The following PLXNB1 variants were observed in gnomAD, a reference collection of about 807,000 sequenced individuals.
PLXNB1 encodes plexin-B1.
In PLXNB1, 106 loss-of-function variants were observed where a neutral mutation model predicts 209.4. That is an observed-to-expected ratio of 0.51 (90% CI 0.43 to 0.59). The LOEUF (loss-of-function observed/expected upper bound fraction) is 0.59. PLXNB1 is among the 20% of genes least tolerant of loss of function. PLXNB1 has a pLI of 0.00. For synonymous variants in PLXNB1, 1,167 were observed against 1,183.2 expected (o/e 0.99, Z 0.28); for missense variants, 2,357 against 2,853.2 (o/e 0.83, Z 3.96).
chr3:48,425,835 C>CACACACAG (rs1403490551), intron 1 of PLXNB1, among the ~76,000 whole-genome samples: 1 of 148,858 alleles, frequency 6.7e-6, no homozygotes, highest in African/African-American at 2.6e-5. Context: ...CACACACACA[C>CACACACAG]AGAGAGAGAG....
Position 48,415,145 on chromosome 3 carries a change from G to C in PLXNB1, c.3966+31C>G, listed in dbSNP as rs1165655966. The stretch of plus-strand genomic sequence containing the variant: ...CCCAGGGTGTGGTATGGGGCAAGGG[G>C]AGAGTGTGGGGGTACCCAAGGGTGT... On this transcript the variant is annotated intron_variant, in intron 20 of 37. Coordinates refer to ENST00000296440, the MANE Select transcript of PLXNB1 (RefSeq NM_001130082.3). This position sits in a 1 kb window ranked among gnomAD's most constrained non-coding sequence, Gnocchi z 5.0. The C allele has an allele frequency of 1.2e-6, 2 of 1,607,896 alleles. No homozygotes were observed. Among genetic ancestry groups the C allele is most frequent in the Middle Eastern group, 1.7e-4 (1 of 6,048 alleles).
chr3:48,418,809 A>G lies in PLXNB1; in HGVS notation c.2955+108T>C. On this transcript the variant is annotated intron_variant, in intron 13 of 37. Coordinates refer to ENST00000296440, the MANE Select transcript of PLXNB1 (RefSeq NM_001130082.3). The surrounding 1 kb of genome is among the most constrained non-coding windows in gnomAD (Gnocchi z 6.6). ...GGTGTGGAGACTCCCTCAGGGCGAC[A>G]CGGTCAGAGCGTGGCTCTGGAAAGT... 1.4e-6 allele frequency: 2 copies of G among 1,406,742 alleles called. No individual in the cohort carries two copies. Among genetic ancestry groups the G allele is most frequent in the Non-Finnish European group, 2.0e-6 (2 of 1,010,972 alleles). The allele number at this position is 1,406,742 out of a possible 1,614,324, so 87.1% of individuals were successfully genotyped here.
At chr3:48,408,989 A>G (rs2037478640) in intron 34 of PLXNB1, among the ~76,000 whole-genome samples, 1 of 152,186 alleles carries the variant, frequency 6.6e-6, no homozygotes, top group African/African-American at 2.4e-5. Context: ...CTGGTCACAT[A>G]ACTTCCCTGT....
chr3:48,418,117 C>G lies in PLXNB1; in HGVS notation c.3223-55G>C. On this transcript the variant is annotated intron_variant, in intron 15 of 37. Transcript: ENST00000296440. This position sits in a 1 kb window ranked among gnomAD's most constrained non-coding sequence, Gnocchi z 6.6. ...ACTCAACTGGAAAGGCAGCCCCAAC[C>G]TCCCACCTTTGGGCCCCCACACCCT... The G allele has an allele frequency of 4.4e-6, 7 of 1,607,510 alleles. No individual in the cohort carries two copies. The highest frequency in any genetic ancestry group is 6.0e-6 in the Non-Finnish European group (7 of 1,175,668).
At position 48,417,961 on chromosome 3, in the gene PLXNB1, C is replaced by T. The variant is rs149107566; in HGVS notation, c.3324G>A (p.Val1108=). Residue 1108 remains valine, a synonymous_variant, in exon 16 of 38, where the codon GTG becomes GTA. Coordinates refer to ENST00000296440, the MANE Select transcript of PLXNB1 (RefSeq NM_001130082.3). The surrounding 1 kb of genome is among the most constrained non-coding windows in gnomAD (Gnocchi z 4.4). ...HVQDVLGMVT[V]AGVPCAVDAQ... ...CATCCACAGCACAGGGCACTCCAGCCACCGTGACCATGCCCAGCACATCCT... is the reference window on the plus strand; with the variant it reads ...CATCCACAGCACAGGGCACTCCAGCTACCGTGACCATGCCCAGCACATCCT... The T allele has an allele frequency of 6.2e-7, 1 of 1,613,454 alleles. No homozygotes were observed. Among genetic ancestry groups the T allele is most frequent in the Non-Finnish European group, 8.5e-7 (1 of 1,180,030 alleles).
chr3:48,404,704 C>A, intron 37 of PLXNB1, 114 bp from the exon 38 acceptor site: 3 of 653,352 alleles, frequency 4.6e-6, no homozygotes, highest in Non-Finnish European at 7.9e-6. Context: ...GGCCAAGAAA[C>A]CCAGCCGGTC....
chr3:48,405,514 G>C lies in PLXNB1; in HGVS notation c.6303+210C>G, dbSNP rs1393849794. Among the ~76,000 whole-genome samples the C allele has an allele frequency of 6.6e-6, 1 of 152,166 alleles. No homozygotes were observed. The highest frequency in any genetic ancestry group is 1.5e-5 in the Non-Finnish European group (1 of 68,028). ...GCCTCGCCGTCCTGCTGGGGAGCTG[G>C]AATGGGGAGCAGTGGGACAGGTGAG... On this transcript the variant is annotated intron_variant, in intron 37 of 37. Transcript: ENST00000296440. The surrounding 1 kb of genome is among the most constrained non-coding windows in gnomAD (Gnocchi z 5.0).
In PLXNB1 at chr3:48,419,727, G is replaced by A. The variant is rs541977320; in HGVS notation, c.2559C>T (p.Asp853=). ...TREGGELPEA[D]EWTGGDAPAF... ...CGGGTGCGTCACCCCCCGTCCACTC[G>A]TCCGCCTCGGGCAGCTCGCCGCCTT... The change falls in exon 11 of 38, where the codon GAC becomes GAT. Residue 853 remains aspartate, a synonymous_variant. Coordinates refer to ENST00000296440, the MANE Select transcript of PLXNB1 (RefSeq NM_001130082.3). This position sits in a 1 kb window ranked among gnomAD's most constrained non-coding sequence, Gnocchi z 5.7. The A allele has an allele frequency of 1.2e-5, 20 of 1,611,172 alleles. No individual in the cohort carries two copies. The highest frequency in any genetic ancestry group is 1.5e-5 in the Non-Finnish European group (18 of 1,179,490).
chr3:48,429,830 C>A lies in PLXNB1; in HGVS notation c.-60+178G>T, dbSNP rs979320052. Among the ~76,000 whole-genome samples the A allele has an allele frequency of 1.3e-5, 2 of 152,136 alleles. No homozygotes were observed. Among genetic ancestry groups the A allele is most frequent in the South Asian group, 2.1e-4 (1 of 4,820 alleles). ...GAGGCGGGGGGTCGCGCTCCGCACC[C>A]GCAGGTGCTGGTGGAACAGCGTCCC... On this transcript the variant is annotated intron_variant, in intron 1 of 37. Coordinates refer to ENST00000296440, the MANE Select transcript of PLXNB1 (RefSeq NM_001130082.3). This position sits in a 1 kb window ranked among gnomAD's most constrained non-coding sequence, Gnocchi z 6.4.
Position 48,414,069 on chromosome 3 carries a change from C to T in PLXNB1, c.4212G>A (p.Gly1404=), listed in dbSNP as rs761765283. 3.7e-6 allele frequency: 6 copies of T among 1,613,666 alleles called. No individual in the cohort carries two copies. Among genetic ancestry groups the T allele is most frequent in the Non-Finnish European group, 5.1e-6 (6 of 1,179,776 alleles). The change falls in exon 22 of 38, where the codon GGG becomes GGA. Residue 1404 remains glycine, a splice_region_variant and synonymous_variant. Coordinates refer to ENST00000296440, the MANE Select transcript of PLXNB1 (RefSeq NM_001130082.3). ...TGGACATTGCAAGGTCCAGGTTCTC[C>T]CCCTGGAACAGAGGGTCACCGATCA... is the stretch of plus-strand genomic sequence containing the variant. ...HKPGSVFSVE[G]ENLDLAMSKE...
At position 48,417,565 on chromosome 3, in the gene PLXNB1, G is replaced by T. The variant is rs1323150445; in HGVS notation, c.3374+346C>A. On this transcript the variant is annotated intron_variant, in intron 16 of 37. Coordinates refer to ENST00000296440, the MANE Select transcript of PLXNB1 (RefSeq NM_001130082.3). This position sits in a 1 kb window ranked among gnomAD's most constrained non-coding sequence, Gnocchi z 4.4. ...GAAGAGTGAGCTGGTGAGAAGGCCA[G>T]CCCCTGAGCTTATCTGTCTGATCTG... Among the ~76,000 whole-genome samples, 1 of 152,180 alleles carries T rather than the reference G, an allele frequency of 6.6e-6. No individual in the cohort carries two copies. The highest frequency in any genetic ancestry group is 2.4e-5 in the African/African-American group (1 of 41,434).
rs574626666 is a variant in PLXNB1, at chr3:48,424,204, C to T, written c.408G>A (p.Arg136=). The T allele has an allele frequency of 6.3e-7, 1 of 1,595,832 alleles. No homozygotes were observed. Among genetic ancestry groups the T allele is most frequent in the Non-Finnish European group, 8.5e-7 (1 of 1,169,906 alleles). The change falls in exon 3 of 38, where the codon CGG becomes CGA. Residue 136 remains arginine (R), a synonymous_variant. Coordinates refer to ENST00000296440, the MANE Select transcript of PLXNB1 (RefSeq NM_001130082.3). ...CAGCCACATATTGTGTGTCCCCAGG[C>T]CGCTCTGGCCGCAGCAGCAGCTGCT... is the stretch of plus-strand genomic sequence containing the variant. The part of the protein sequence containing the change: ...QLEQLLLRPE[R]PGDTQYVAAN...
chr3:48,423,730 A>G lies in PLXNB1; in HGVS notation c.882T>C (p.Phe294=). 3 of 1,613,812 alleles carry G rather than the reference A, an allele frequency of 1.9e-6. No individual in the cohort carries two copies. Among genetic ancestry groups the G allele is most frequent in the Non-Finnish European group, 2.5e-6 (3 of 1,179,934 alleles). Reference sequence around the variant, plus strand: ...GGGGTGCAGCCGAGGAGAAAGCTGCAAAGAGCACCTCCCCATGCGCCACCT... The same window carrying G: ...GGGGTGCAGCCGAGGAGAAAGCTGCGAAGAGCACCTCCCCATGCGCCACCT... ...SREVAHGEVL[F]AAFSSAAPPT... The change falls in exon 3 of 38, where the codon TTT becomes TTC. Residue 294 remains phenylalanine, a synonymous_variant. Coordinates refer to ENST00000296440, the MANE Select transcript of PLXNB1 (RefSeq NM_001130082.3).
In PLXNB1 at chr3:48,405,606, C is replaced by CA; in HGVS notation, c.6303+117dup. 1.3e-6 allele frequency: 1 copy of CA among 771,352 alleles called. No homozygotes were observed. Among genetic ancestry groups the CA allele is most frequent in the African/African-American group, 1.7e-5 (1 of 57,524 alleles). 47.8% of individuals were successfully genotyped at this position (771,352 alleles called of 1,614,324 possible). Reference sequence around the variant, plus strand: ...CAAGCCACCAAGGGGCCCGGCCCCCCACTACTCTGTCCCTGGGGAAGACCA... The same window carrying CA: ...CAAGCCACCAAGGGGCCCGGCCCCCCAACTACTCTGTCCCTGGGGAAGACCA... On this transcript the variant is annotated intron_variant, in intron 37 of 37. Coordinates refer to ENST00000296440, the MANE Select transcript of PLXNB1 (RefSeq NM_001130082.3). This position sits in a 1 kb window ranked among gnomAD's most constrained non-coding sequence, Gnocchi z 5.0.
chr3:48,415,397 G>A lies in PLXNB1; in HGVS notation c.3795-50C>T. 1.3e-6 allele frequency: 2 copies of A among 1,577,504 alleles called. No individual in the cohort carries two copies. The highest frequency in any genetic ancestry group is 1.1e-5 in the South Asian group (1 of 88,640). On this transcript the variant is annotated intron_variant, in intron 19 of 37. Coordinates refer to ENST00000296440, the MANE Select transcript of PLXNB1 (RefSeq NM_001130082.3). This position sits in a 1 kb window ranked among gnomAD's most constrained non-coding sequence, Gnocchi z 5.0. ...AACGTAAGATGGCTTATGTTACCTG[G>A]ACCTAAAGCACAGCCCAGTCCCGGC... is the stretch of plus-strand genomic sequence containing the variant.
Position 48,415,687 on chromosome 3 carries a change from C to T in PLXNB1, c.3690G>A (p.Val1230=). Residue 1230 remains valine, a synonymous_variant, in exon 19 of 38, where the codon GTG becomes GTA. Transcript: ENST00000296440. This position sits in a 1 kb window ranked among gnomAD's most constrained non-coding sequence, Gnocchi z 5.0. ...SPRPTPATLP[V]AVWFGATERR... ...GCTCCGTGGCCCCAAACCACACAGC[C>T]ACAGGGAGCGTGGCAGGCGTGGGGC... 1 of 1,558,754 alleles carries T rather than the reference C, an allele frequency of 6.4e-7. No homozygotes were observed.
In PLXNB1 at chr3:48,413,203, G is replaced by A. The variant is rs1198023709; in HGVS notation, c.4536-34C>T. 1.9e-6 allele frequency: 3 copies of A among 1,541,028 alleles called. No individual in the cohort carries two copies. The South Asian group carries it at 3.3e-5, about 17-fold the overall frequency. ...CCCCAGGGTCAGGAGAGGATGGCCA[G>A]ATGAGTCCTACTCGCCCAGGCCTGC... On this transcript the variant is annotated intron_variant, in intron 23 of 37. Coordinates refer to ENST00000296440, the MANE Select transcript of PLXNB1 (RefSeq NM_001130082.3). The surrounding 1 kb of genome is among the most constrained non-coding windows in gnomAD (Gnocchi z 5.4).
In PLXNB1 at chr3:48,414,964, G is replaced by C. The variant is rs557274794; in HGVS notation, c.4044C>G (p.Asp1348Glu). The C allele has an allele frequency of 1.3e-4, 207 of 1,613,862 alleles. 1 individual carries two copies. In the South Asian group the frequency reaches 2.2e-3, roughly 17 times the overall value. Residue 1348 changes from aspartate to glutamate, a missense_variant, in exon 21 of 38, where the codon GAC becomes GAG. Around this residue, in one of 7 missense-constraint regions of PLXNB1, gnomAD observed 743 missense variants for 896.2 expected, o/e 0.83. Coordinates refer to ENST00000296440, the MANE Select transcript of PLXNB1 (RefSeq NM_001130082.3). ...RTPALPGLPE[D>E]PWVRVEFILD... ...GGATAAATTCCACCCGGACCCAGGGGTCCTCAGGCAGGCCTGGGAGGGCAG... is the reference window on the plus strand; with the variant it reads ...GGATAAATTCCACCCGGACCCAGGGCTCCTCAGGCAGGCCTGGGAGGGCAG...
chr3:48,421,652 CCCTG>C lies in PLXNB1; in HGVS notation c.1653+18_1653+21del. On this transcript the variant is annotated intron_variant, in intron 7 of 37. Transcript: ENST00000296440. ...ATGCCCAGAGCCCTCCCCACCAGGG[CCCTG>C]CCTATCTGATCATTCACCTCCCTCG... is the stretch of plus-strand genomic sequence containing the variant. 6.3e-7 allele frequency: 1 copy of C among 1,583,954 alleles called. No individual in the cohort carries two copies. The highest frequency in any genetic ancestry group is 1.7e-4 in the Middle Eastern group (1 of 5,968).
Sources: gnomAD v4.1 joint callset for allele counts (sites outside exome capture counted in the v4.1 genomes callset) on GRCh38, gnomAD v4.1.1 for gene constraint, gnomAD v4.1.1 regional missense constraint, Gnocchi (gnomAD v3.1) non-coding constraint, MANE v1.5 for transcripts, NCBI Gene and HGNC (gene_info 2026-07-23, HGNC 2026-07-21) for gene names.